The following AGBL4 variants were observed in gnomAD, a reference collection of about 807,000 sequenced individuals.
The protein encoded by AGBL4 is AGBL carboxypeptidase 4, also known as cytosolic carboxypeptidase 6.
AGBL4 carries 58 observed loss-of-function variants against 66.4 expected under a neutral mutation model. That is an observed-to-expected ratio of 0.87 (90% CI 0.71 to 1.09). AGBL4 has a LOEUF of 1.09. Among genes scored for constraint, AGBL4 ranks in the 50% least tolerant of loss-of-function variants. AGBL4 has a pLI of 0.00. For missense variants in AGBL4, 579 were observed against 631.0 expected (o/e 0.92, Z 0.88); for synonymous variants, 234 against 222.9 (o/e 1.05, Z -0.44).
At chr1:48,937,214 C>A (rs1296612817) in intron 5 of AGBL4, among the ~76,000 whole-genome samples, 1 of 152,130 alleles carries the variant, frequency 6.6e-6, no homozygotes, top group Admixed American at 6.6e-5. Flanking sequence ...AGAATATTAA[C>A]CTCAGAGAAG....
chr1:48,789,458 T>G (rs1645490899), intron 6 of AGBL4, among the ~76,000 whole-genome samples: 1 of 151,890 alleles, frequency 6.6e-6, no homozygotes, highest in Non-Finnish European at 1.5e-5. Context: ...TTGGCTAATT[T>G]TTTTGTATTT....
At chr1:49,142,866 C>A (rs1646145686) in intron 4 of AGBL4, among the ~76,000 whole-genome samples, 1 of 152,106 alleles carries the variant, frequency 6.6e-6, no homozygotes, top group Non-Finnish European at 1.5e-5. Flanking sequence ...TACCCTTGTA[C>A]AATGGGCAAG....
intron 1 of AGBL4, among the ~76,000 whole-genome samples, chr1:49,990,383 G>A (rs1659849762): frequency 6.6e-6 from 1 of 152,094 alleles, no homozygotes; most frequent in South Asian, 2.1e-4. Context: ...AGATCTGATG[G>A]TTTTATAAGG....
intron 4 of AGBL4, among the ~76,000 whole-genome samples, chr1:49,205,402 G>A (rs1203589199): frequency 2.6e-5 from 4 of 152,010 alleles, no homozygotes; most frequent in Admixed American, 2.6e-4. Flanking sequence ...CTAGATGCTG[G>A]AAAACACTTT....
intron 1 of AGBL4, among the ~76,000 whole-genome samples, chr1:49,900,888 T>G (rs1214813531): frequency 6.6e-6 from 1 of 152,228 alleles, no homozygotes; most frequent in Non-Finnish European, 1.5e-5. Flanking sequence ...TTCTGCATAG[T>G]ACAAACCTGA....
intron 4 of AGBL4, among the ~76,000 whole-genome samples, chr1:49,114,743 G>T (rs953692112): frequency 2.6e-5 from 4 of 152,076 alleles, no homozygotes; most frequent in Non-Finnish European, 5.9e-5. Flanking sequence ...TGTGTCTCAG[G>T]GAATACAGGG....
intron 3 of AGBL4, among the ~76,000 whole-genome samples, chr1:49,672,992 G>C (rs1317731202): frequency 7.0e-6 from 1 of 143,240 alleles, no homozygotes. Flanking sequence ...AACTAACAAA[G>C]AAAAAGAAAA....
intron 5 of AGBL4, among the ~76,000 whole-genome samples, chr1:48,944,358 C>T (rs998085421): frequency 1.3e-5 from 2 of 152,142 alleles, no homozygotes; most frequent in Admixed American, 6.5e-5. Context: ...CTGATTGATT[C>T]GCTCATACAC....
chr1:48,530,117 C>T (rs1375131676), downstream of AGBL4, among the ~76,000 whole-genome samples: 1 of 152,010 alleles, frequency 6.6e-6, no homozygotes, highest in South Asian at 2.1e-4. Context: ...TACCTGGAGA[C>T]AAATGGATAA....
intron 6 of AGBL4, among the ~76,000 whole-genome samples, chr1:48,856,609 T>G (rs925200119): frequency 6.6e-6 from 1 of 152,148 alleles, no homozygotes; most frequent in Non-Finnish European, 1.5e-5. Flanking sequence ...AGGGCTGAGT[T>G]CAAATCATAG....
At chr1:49,033,419 T>C (rs1664387820) in intron 5 of AGBL4, among the ~76,000 whole-genome samples, 2 of 152,112 alleles carry the variant, frequency 1.3e-5, no homozygotes, top group African/African-American at 4.8e-5. Context: ...CTTGGTCATG[T>C]ATCCAGTTGC....
At chr1:49,492,818 T>A (rs1647225452) in intron 3 of AGBL4, among the ~76,000 whole-genome samples, 1 of 151,962 alleles carries the variant, frequency 6.6e-6, no homozygotes, top group Non-Finnish European at 1.5e-5. Context: ...TAACCTTTAC[T>A]GAGCACTGTA....
At chr1:49,248,125 T>G (rs1651787474) in intron 3 of AGBL4, among the ~76,000 whole-genome samples, 3 of 152,184 alleles carry the variant, frequency 2.0e-5, no homozygotes, top group African/African-American at 7.2e-5. Flanking sequence ...AAACCCTGAA[T>G]TTCCATATTT....
At chr1:49,375,447 C>T (rs895765317) in intron 3 of AGBL4, among the ~76,000 whole-genome samples, 16 of 151,970 alleles carry the variant, frequency 1.1e-4, no homozygotes, top group African/African-American at 3.9e-4. Context: ...TGAAAGATTG[C>T]TTTAAAAGTC....
chr1:48,758,773 G>C (rs1644088424), intron 6 of AGBL4: 1 of 810,214 alleles, frequency 1.2e-6, no homozygotes, highest in African/African-American at 1.7e-5. Context: ...TAACTGGTAA[G>C]CCAAGAGTCT....
intron 5 of AGBL4, among the ~76,000 whole-genome samples, chr1:48,891,786 G>A (rs1650998004): frequency 6.6e-6 from 1 of 152,082 alleles, no homozygotes; most frequent in Admixed American, 6.5e-5. Flanking sequence ...CCTGCCCATG[G>A]AGCTCATACA....
chr1:49,270,442 ATT>A (rs111400780), intron 3 of AGBL4, among the ~76,000 whole-genome samples: 2 of 147,632 alleles, frequency 1.4e-5, no homozygotes, highest in African/African-American at 2.5e-5. Context: ...TCAGGGGGAT[ATT>A]TTTTTTTTTC....
intron 1 of AGBL4, among the ~76,000 whole-genome samples, chr1:50,015,576 G>T (rs554332343): frequency 6.6e-6 from 1 of 152,230 alleles, no homozygotes; most frequent in South Asian, 2.1e-4. Context: ...ACCATCACTT[G>T]AGCTGGGAAA....
chr1:48,957,998 T>TTTTG (rs1203140140), intron 5 of AGBL4, among the ~76,000 whole-genome samples: 1 of 151,988 alleles, frequency 6.6e-6, no homozygotes, highest in Admixed American at 6.6e-5. Context: ...CTTGTTTTTT[T>TTTTG]TTTGTTTGTT....
Sources: gnomAD v4.1 joint callset for allele counts (sites outside exome capture counted in the v4.1 genomes callset) on GRCh38, gnomAD v4.1.1 for gene constraint, MANE v1.5 for transcripts, NCBI Gene and HGNC (gene_info 2026-07-23, HGNC 2026-07-21) for gene names.